NRDE2: variants seen among roughly 807,000 people sequenced by gnomAD.
NRDE2 encodes the protein nuclear exosome regulator NRDE2.
A neutral mutation model predicts 124.2 loss-of-function variants in NRDE2; 76 were observed. The observed-to-expected ratio is 0.61, with a 90% CI of 0.51 to 0.74. The LOEUF (loss-of-function observed/expected upper bound fraction) is 0.74. Among genes scored for constraint, NRDE2 ranks in the 30% least tolerant of loss-of-function variants. The probability of loss-of-function intolerance (pLI) is 0.00; values close to 1 mark genes in which losing one functional copy is unlikely to be tolerated. For missense variants in NRDE2, 1,314 were observed against 1,417.3 expected, an observed-to-expected ratio of 0.93 and a Z score of 1.17; for synonymous variants, 489 against 528.1, an observed-to-expected ratio of 0.93 and a Z score of 1.01.
intron 1 of NRDE2, among the ~76,000 whole-genome samples, chr14:90,319,306 C>T (rs1885160130): frequency 6.6e-6 from 1 of 152,170 alleles, no homozygotes; most frequent in Non-Finnish European, 1.5e-5. Flanking sequence ...AGGGTGACTG[C>T]ATTTTTGAAC....
At chr14:90,327,862 A>G (rs1026369308) in intron 1 of NRDE2, among the ~76,000 whole-genome samples, 2 of 151,876 alleles carry the variant, frequency 1.3e-5, no homozygotes, top group Non-Finnish European at 1.5e-5. Context: ...GCCAGGAGTA[A>G]GCTGGGCGCA....
At chr14:90,315,176 CAAAAAAAAAAAAA>C (rs71117336) in intron 3 of NRDE2, among the ~76,000 whole-genome samples, 3 of 31,770 alleles carry the variant, frequency 9.4e-5, no homozygotes, top group African/African-American at 3.1e-4. Context: ...TACTCTGTCT[CAAAAAAAAAAAAA>C]AAAAAAAAAA....
intron 13 of NRDE2, 80 bp from the exon 14 acceptor site, chr14:90,278,541 G>T (rs1891863795): frequency 5.7e-6 from 9 of 1,573,758 alleles, no homozygotes; most frequent in Non-Finnish European, 7.8e-6. Flanking sequence ...CAAGGGCCAG[G>T]TTCCTGGTGA....
At position 90,276,287 on chromosome 14, in the gene NRDE2, T is replaced by G. The variant is rs962021198; in HGVS notation, c.*2049A>C. The G allele has an allele frequency of 6.7e-6, 1 of 148,210 alleles. No homozygotes were observed. The highest frequency in any genetic ancestry group is 1.5e-5 in the Non-Finnish European group (1 of 67,406). 9.2% of individuals were successfully genotyped at this position (148,210 alleles called of 1,614,324 possible). A position where few individuals can be genotyped will look rare whatever the true frequency, so the allele number is the denominator to read the frequency against. On this transcript the variant is annotated 3_prime_UTR_variant, in exon 14 of 14. Coordinates refer to ENST00000354366, the MANE Select transcript of NRDE2 (RefSeq NM_017970.4). ...AGGCTGGAGTGCAGTGGCGCGATCT[T>G]GGCTCACTGCAAGCTCTGCCTCCCA... is the stretch of plus-strand genomic sequence containing the variant.
rs747550812 is a variant in NRDE2, at chr14:90,288,518, T to C, written c.2857A>G (p.Ser953Gly). The C allele has an allele frequency of 1.2e-6, 2 of 1,614,126 alleles. No homozygotes were observed. Among genetic ancestry groups the C allele is most frequent in the South Asian group, 2.2e-5 (2 of 91,082 alleles). The change falls in exon 11 of 14, where the codon AGT becomes GGT. Residue 953 changes from serine (S) to glycine (G), a missense_variant. Transcript: ENST00000354366. ...ATGGCTTCGAGAACACTGGTCCAAC[T>C]CTGGGAGCTGGCACTGTCCCCCTCG... ...SGEGDSASSQ[S>G]WTSVLEAITL... is the part of the protein sequence containing the mutation.
At position 90,304,028 on chromosome 14, in the gene NRDE2, A is replaced by G. The variant is rs1884505264; in HGVS notation, c.912T>C (p.Ser304=). 2 of 1,613,616 alleles carry G rather than the reference A, an allele frequency of 1.2e-6. No homozygotes were observed. The highest frequency in any genetic ancestry group is 2.2e-5 in the South Asian group (2 of 91,076). The change falls in exon 5 of 14, where the codon AGT becomes AGC. Residue 304 remains serine (S), a synonymous_variant. Coordinates refer to ENST00000354366, the MANE Select transcript of NRDE2 (RefSeq NM_017970.4). ...CCTCCACCTTGGCCTTGAGAGCCGC[A>G]CTCTCGCTGTCTGGCTGTGCGTCTG... is the stretch of plus-strand genomic sequence containing the variant. ...KQPDAQPDSE[S]AALKAKVEEF...
At chr14:90,303,251 C>G in intron 5 of NRDE2, 126 bp from the exon 6 acceptor site, 1 of 845,914 alleles carries the variant, frequency 1.2e-6, no homozygotes. Flanking sequence ...GCCACTATTT[C>G]TTTTAAAGAA....
intron 9 of NRDE2, among the ~76,000 whole-genome samples, chr14:90,291,265 A>G (rs1000134832): frequency 1.9e-4 from 29 of 152,230 alleles, no homozygotes; most frequent in African/African-American, 7.0e-4. Flanking sequence ...GGTGCTGCTT[A>G]TCTGATTGGT....
At chr14:90,290,738 C>CT in intron 9 of NRDE2, 131 bp from the exon 10 acceptor site, 2 of 1,139,942 alleles carry the variant, frequency 1.8e-6, no homozygotes, top group South Asian at 3.3e-5. Context: ...CAGACAGGAG[C>CT]TAAGCTCTCT....
intron 12 of NRDE2, among the ~76,000 whole-genome samples, chr14:90,283,601 A>G (rs1892014076): frequency 6.6e-6 from 1 of 152,196 alleles, no homozygotes; most frequent in African/African-American, 2.4e-5. Flanking sequence ...TACTAACAGC[A>G]GCATCCTGCC....
Position 90,290,240 on chromosome 14 carries a change from A to T in NRDE2, c.2210T>A (p.Leu737Ter), listed in dbSNP as rs1328686273. Reference protein sequence around the residue: ...KEKSQLCFSWLQYEIAKVIWC... With the variant: ...KEKSQLCFSW ...AATTACCTTTGCAATCTCATACTGT[A>T]ACCAGGAGAAGCAGAGCTGGGACTT... The change falls in exon 10 of 14, where the codon TTA (leucine) becomes TAA (stop). Residue 737 changes from leucine to a stop codon, truncating the protein, a stop_gained. Coordinates refer to ENST00000354366, the MANE Select transcript of NRDE2 (RefSeq NM_017970.4). LOFTEE classifies it high-confidence loss of function. 6.2e-6 allele frequency: 10 copies of T among 1,614,008 alleles called. No individual in the cohort carries two copies. Among genetic ancestry groups the T allele is most frequent in the Non-Finnish European group, 8.5e-6 (10 of 1,179,972 alleles).
At chr14:90,321,462 A>T (rs1256312936) in intron 1 of NRDE2, among the ~76,000 whole-genome samples, 1 of 150,742 alleles carries the variant, frequency 6.6e-6, no homozygotes, top group Non-Finnish European at 1.5e-5. Flanking sequence ...CTATTATACT[A>T]GCACTTTGGG....
At chr14:90,283,591 T>C (rs1892013582) in intron 12 of NRDE2, among the ~76,000 whole-genome samples, 1 of 152,156 alleles carries the variant, frequency 6.6e-6, no homozygotes, top group Non-Finnish European at 1.5e-5. Flanking sequence ...CTGTTGTCTC[T>C]ACTAACAGCA....
At chr14:90,319,160 A>G (rs1465995374) in intron 1 of NRDE2, among the ~76,000 whole-genome samples, 3 of 152,132 alleles carry the variant, frequency 2.0e-5, no homozygotes, top group Non-Finnish European at 4.4e-5. Context: ...AGGGAAGAAA[A>G]AAAACATGGG....
chr14:90,298,425 C>T (rs1884263020), intron 7 of NRDE2, 45 bp from the exon 8 acceptor site: 1 of 1,610,466 alleles, frequency 6.2e-7, no homozygotes, highest in Admixed American at 1.7e-5. Flanking sequence ...TTGTATAAAA[C>T]TGCTGAGTCA....
chr14:90,278,973 C>T (rs543330009), intron 13 of NRDE2, 89 bp downstream of exon 13: 28 of 913,388 alleles, frequency 3.1e-5, no homozygotes, highest in Admixed American at 7.2e-5. Flanking sequence ...TCCCCGGTGC[C>T]GCGGGGCAGG....
intron 4 of NRDE2, among the ~76,000 whole-genome samples, chr14:90,309,788 T>C (rs904744541): frequency 4.6e-5 from 7 of 152,204 alleles, no homozygotes; most frequent in East Asian, 3.8e-4. Context: ...TTCCCAGACC[T>C]GGACATTAAC....
intron 8 of NRDE2, among the ~76,000 whole-genome samples, chr14:90,293,204 A>T (rs1892321564): frequency 6.6e-6 from 1 of 152,124 alleles, no homozygotes; most frequent in South Asian, 2.1e-4. Flanking sequence ...GGGTAGCCAC[A>T]TGTGACTCAC....
At chr14:90,280,255 G>T (rs1819589056) in intron 12 of NRDE2, 2 of 150,722 alleles carry the variant, frequency 1.3e-5, no homozygotes, top group African/African-American at 5.0e-5. Context: ...AACTCCCACA[G>T]TCACAGGGAC....
Sources: gnomAD v4.1 joint callset for allele counts (sites outside exome capture counted in the v4.1 genomes callset) on GRCh38, gnomAD v4.1.1 for gene constraint, MANE v1.5 for transcripts, NCBI Gene and HGNC (gene_info 2026-07-23, HGNC 2026-07-21) for gene names.